Variants in RTL9 observed in about 807,000 individuals in gnomAD.
RTL9 encodes the protein retrotransposon Gag-like protein 9.
In RTL9, 19 loss-of-function variants were observed where a neutral mutation model predicts 44.7. The observed-to-expected ratio is 0.42, with a 90% CI of 0.30 to 0.62. The LOEUF (loss-of-function observed/expected upper bound fraction) is 0.62, where lower values mean the gene tolerates loss of function less well. Among genes scored for constraint, RTL9 ranks in the 20% least tolerant of loss-of-function variants. The probability of loss-of-function intolerance (pLI) is 0.16; values close to 1 mark genes in which losing one functional copy is unlikely to be tolerated. For synonymous variants in RTL9, 407 were observed against 398.9 expected, an observed-to-expected ratio of 1.02 and a Z score of -0.24; for missense variants, 1,105 against 1,080.6, an observed-to-expected ratio of 1.02 and a Z score of -0.32.
upstream of RTL9, among the ~76,000 whole-genome samples, chrX:110,447,666 T>A (rs901757452): frequency 1.8e-5 from 2 of 111,614 alleles, no homozygotes; most frequent in African/African-American, 6.5e-5. Context: ...TCTCAGTGCC[T>A]ACCTTACAGG....
chrX:110,382,326 G>GA (rs367625900), intron 1 of RTL9, among the ~76,000 whole-genome samples: 2,047 of 105,425 alleles, frequency 0.019, 49 homozygotes, highest in African/African-American at 0.066. Flanking sequence ...AATTGTACAG[G>GA]AAAAAAAAAA....
At chrX:110,435,106 G>A (rs1314385726) in intron 1 of RTL9, among the ~76,000 whole-genome samples, 1 of 83,461 alleles carries the variant, frequency 1.2e-5, no homozygotes, top group East Asian at 4.2e-4. Context: ...AAGGAGGGAG[G>A]GGGGAGGAGG....
At chrX:110,401,673 G>A (rs1052311884) in intron 1 of RTL9, among the ~76,000 whole-genome samples, 4 of 111,526 alleles carry the variant, frequency 3.6e-5, no homozygotes, top group African/African-American at 1.3e-4. Flanking sequence ...TTTCTCAGAT[G>A]GCTGAGGGCC....
intron 1 of RTL9, among the ~76,000 whole-genome samples, chrX:110,408,848 G>A (rs2148305765): frequency 8.9e-6 from 1 of 112,554 alleles, no homozygotes; most frequent in South Asian, 3.6e-4. Flanking sequence ...ATTATGTATT[G>A]CTTTATTTTC....
exon 2 of RTL9, chrX:110,455,468 A>C: frequency 6.1e-5 from 41 of 676,949 alleles, no homozygotes; most frequent in Non-Finnish European, 8.4e-5. Context: ...CTTACCTCTC[A>C]CTTGGCTGAT....
chrX:110,442,247 C>T (rs5942928), intron 1 of RTL9, among the ~76,000 whole-genome samples: 15 of 97,036 alleles, frequency 1.5e-4, no homozygotes, highest in Non-Finnish European at 2.9e-4. Context: ...CTCTCTCTCT[C>T]TGTGTGTGTG....
At position 110,381,353 on chromosome X, in the gene RTL9, G is replaced by A. The variant is rs183021666; in HGVS notation, c.-168+22437G>A. On this transcript the variant is annotated intron_variant, in intron 1 of 2. Transcript: ENST00000520821. ...CATCATTACTAATCATCAGAGAAAT[G>A]TGAATCAAAACCACAGTGAGATACC... 3.6e-5 allele frequency among the ~76,000 whole-genome samples: 4 copies of A among 111,889 alleles called. No individual in the cohort carries two copies. The Admixed American group carries it at 3.8e-4, about 11-fold the overall frequency.
At chrX:110,429,126 A>G (rs2068776313) in intron 1 of RTL9, among the ~76,000 whole-genome samples, 1 of 112,227 alleles carries the variant, frequency 8.9e-6, no homozygotes, top group African/African-American at 3.2e-5. Flanking sequence ...CTACTGTTCC[A>G]GACCACAGTA....
intron 1 of RTL9, chrX:110,426,747 C>T (rs1168647801): frequency 8.9e-6 from 1 of 111,756 alleles, no homozygotes; most frequent in East Asian, 2.8e-4. Flanking sequence ...CTTTTCCTTT[C>T]TAAGTACTTT....
rs147980537 is a variant in RTL9 at position 110,376,286 on chromosome X, G to A, written c.-168+17370G>A. Among the ~76,000 whole-genome samples, 907 of 110,932 alleles carry A rather than the reference G, an allele frequency of 8.2e-3. 10 individuals carry two copies. The highest frequency in any genetic ancestry group is 0.029 in the African/African-American group (870 of 30,480). ...GCAGGATCGCTATGTAATTTGCAGG[G>A]CCCAGTGCAAAATGAAATGGCCTTA... On this transcript the variant is annotated intron_variant, in intron 1 of 2. Transcript: ENST00000520821.
At chrX:110,419,103 T>A (rs986773813) in exon 1 of RTL9, 1 of 112,294 alleles carries the variant, frequency 8.9e-6, no homozygotes, top group African/African-American at 3.2e-5. Flanking sequence ...TTCTACAACA[T>A]ATGGAGCGCC....
intron 1 of RTL9, among the ~76,000 whole-genome samples, chrX:110,432,143 A>G (rs865852283): frequency 2.5e-4 from 28 of 112,136 alleles, no homozygotes; most frequent in African/African-American, 8.8e-4. Flanking sequence ...CCCTGGGTGG[A>G]TCCAGATGAA....
intron 1 of RTL9, among the ~76,000 whole-genome samples, chrX:110,435,109 G>C (rs1455945193): frequency 1.2e-5 from 1 of 80,092 alleles, no homozygotes; most frequent in Non-Finnish European, 2.5e-5. Context: ...GAGGGAGGGG[G>C]GAGGAGGAAG....
At chrX:110,373,427 T>C (rs754734526) in intron 1 of RTL9, among the ~76,000 whole-genome samples, 6 of 111,823 alleles carry the variant, frequency 5.4e-5, no homozygotes, top group African/African-American at 1.6e-4. Flanking sequence ...AATGAAACTC[T>C]AGCAGAGGCA....
upstream of RTL9, among the ~76,000 whole-genome samples, chrX:110,418,649 T>C (rs112527037): frequency 0.017 from 1,939 of 111,486 alleles, 42 homozygotes; most frequent in African/African-American, 0.058. Flanking sequence ...TCCAACCATG[T>C]CTTGACCTCC....
intron 1 of RTL9, among the ~76,000 whole-genome samples, chrX:110,384,711 G>A (rs1280306784): frequency 9.0e-6 from 1 of 110,790 alleles, no homozygotes; most frequent in East Asian, 2.8e-4. Flanking sequence ...GGTGACAAAT[G>A]TGGCTGGCTG....
chrX:110,445,338 G>C (rs1273940237), intron 2 of RTL9, 70 bp downstream of exon 2: 1 of 112,519 alleles, frequency 8.9e-6, no homozygotes, highest in Admixed American at 9.4e-5. Context: ...GAGTAAAAAA[G>C]CCACTTTGTT....
chrX:110,450,594 C>CACTATCCT, exon 1 of RTL9: 1 of 1,189,782 alleles, frequency 8.4e-7, no homozygotes, highest in South Asian at 1.8e-5. Context: ...GCTCCCTCCA[C>CACTATCCT]ACTATCCTGT....
upstream of RTL9, among the ~76,000 whole-genome samples, chrX:110,447,111 C>CTTTTTTTTTTTTTTTTTT (rs1181988453): frequency 5.4e-5 from 2 of 36,826 alleles, 1 homozygote; most frequent in African/African-American, 3.1e-4. Context: ...TATTCTGTGA[C>CTTTTTTTTTTTTTTTTTT]TTTTTTTTTT....
Sources: gnomAD v4.1 joint callset for allele counts (sites outside exome capture counted in the v4.1 genomes callset) on GRCh38, gnomAD v4.1.1 for gene constraint, MANE v1.5 for transcripts, NCBI Gene and HGNC (gene_info 2026-07-23, HGNC 2026-07-21) for gene names.